Variants in SERGEF observed in about 807,000 individuals in gnomAD.
SERGEF encodes the protein secretion regulating guanine nucleotide exchange factor.
SERGEF carries 51 observed loss-of-function variants against 50.0 expected under a neutral mutation model. The observed-to-expected ratio is 1.02, with a 90% CI of 0.81 to 1.29. The LOEUF (loss-of-function observed/expected upper bound fraction) is 1.29. SERGEF is among the 50% of genes most tolerant of loss of function. The probability of loss-of-function intolerance (pLI) is 0.00; values close to 1 mark genes in which losing one functional copy is unlikely to be tolerated. For synonymous variants in SERGEF, 205 were observed against 212.4 expected (o/e 0.97, Z 0.30); for missense variants, 521 against 557.0 (o/e 0.94, Z 0.65).
intron 8 of SERGEF, among the ~76,000 whole-genome samples, chr11:17,962,828 A>C (rs1166054349): frequency 1.3e-5 from 2 of 152,164 alleles, no homozygotes; most frequent in Admixed American, 1.3e-4. Context: ...TAAGAAAAGA[A>C]AATGGGAGAC....
At chr11:17,860,394 G>C (rs558357545) in intron 10 of SERGEF, among the ~76,000 whole-genome samples, 5 of 151,966 alleles carry the variant, frequency 3.3e-5, no homozygotes, top group Non-Finnish European at 5.9e-5. Context: ...TGGAGGGAAG[G>C]GAAATGAAGG....
At chr11:17,998,432 CATACATACATATAT>C (rs869267100) in intron 5 of SERGEF, among the ~76,000 whole-genome samples, 40 of 55,880 alleles carry the variant, frequency 7.2e-4, no homozygotes, top group African/African-American at 4.4e-3. Context: ...TACATACATA[CATACATACATATAT>C]ATATATATAT....
intron 10 of SERGEF, among the ~76,000 whole-genome samples, chr11:17,865,991 T>C (rs904887683): frequency 2.6e-5 from 4 of 152,194 alleles, no homozygotes; most frequent in African/African-American, 7.2e-5. Flanking sequence ...CGTATACAGA[T>C]GTATCATCTT....
chr11:17,949,965 T>C (rs550168460), intron 9 of SERGEF, among the ~76,000 whole-genome samples: 274 of 152,316 alleles, frequency 1.8e-3, no homozygotes, highest in African/African-American at 6.3e-3. Context: ...AGAACCAGCA[T>C]GCAAAGACCC....
At chr11:17,918,647 CACACAT>C in intron 9 of SERGEF, 1 of 418,028 alleles carries the variant, frequency 2.4e-6, no homozygotes. Context: ...CACACACACA[CACACAT>C]ACACACACAC....
At chr11:17,827,910 T>A (rs933449362) in intron 10 of SERGEF, among the ~76,000 whole-genome samples, 2 of 152,206 alleles carry the variant, frequency 1.3e-5, no homozygotes, top group African/African-American at 2.4e-5. Flanking sequence ...GAAATGTTTG[T>A]GAACATTCTC....
At chr11:17,810,457 T>C (rs941454861) in intron 10 of SERGEF, among the ~76,000 whole-genome samples, 2 of 152,202 alleles carry the variant, frequency 1.3e-5, no homozygotes, top group African/African-American at 4.8e-5. Context: ...CACTGAGCTA[T>C]AGTTAAATTT....
At chr11:17,886,306 G>A (rs1284239166) in intron 9 of SERGEF, among the ~76,000 whole-genome samples, 2 of 152,102 alleles carry the variant, frequency 1.3e-5, no homozygotes, top group East Asian at 3.9e-4. Flanking sequence ...ACTGGCATAG[G>A]TTCACTATGA....
At chr11:17,998,355 C>T (rs1041955422) in intron 5 of SERGEF, among the ~76,000 whole-genome samples, 1 of 149,922 alleles carries the variant, frequency 6.7e-6, no homozygotes, top group Admixed American at 6.7e-5. Flanking sequence ...AGTTTGAGGT[C>T]GCAGTGAACC....
chr11:17,972,296 A>T (rs994743939), intron 8 of SERGEF, among the ~76,000 whole-genome samples: 2 of 152,236 alleles, frequency 1.3e-5, no homozygotes, highest in African/African-American at 4.8e-5. Context: ...CTACAGAGAA[A>T]TCTTGTGAAA....
intron 10 of SERGEF, among the ~76,000 whole-genome samples, chr11:17,875,094 G>A (rs1851216852): frequency 6.6e-6 from 1 of 152,216 alleles, no homozygotes; most frequent in Non-Finnish European, 1.5e-5. Flanking sequence ...TACACAGCTT[G>A]TAAGTGGAGA....
intron 5 of SERGEF, among the ~76,000 whole-genome samples, chr11:17,997,100 G>C (rs1433853931): frequency 6.6e-6 from 1 of 152,176 alleles, no homozygotes; most frequent in South Asian, 2.1e-4. Context: ...AGCTGCCTGA[G>C]GTGGGAAGAT....
Position 17,917,234 on chromosome 11 carries a change from C to G in SERGEF, c.1012-38990G>C, listed in dbSNP as rs138365248. Among the ~76,000 whole-genome samples, 43 of 152,252 alleles carry G rather than the reference C, an allele frequency of 2.8e-4. No individual in the cohort carries two copies. The East Asian group carries it at 7.9e-3, about 28-fold the overall frequency. On this transcript the variant is annotated intron_variant, in intron 9 of 10. Coordinates refer to ENST00000265965, the MANE Select transcript of SERGEF (RefSeq NM_012139.4). The stretch of plus-strand genomic sequence containing the variant: ...ATATATATGATGAAATACTACTCAG[C>G]CATAAAAAGGAATGAATTAATGACA...
At chr11:17,964,538 G>A (rs1853079275) in intron 8 of SERGEF, among the ~76,000 whole-genome samples, 1 of 152,164 alleles carries the variant, frequency 6.6e-6, no homozygotes, top group Non-Finnish European at 1.5e-5. Flanking sequence ...GGAATATAAT[G>A]TCACTGAAGA....
chr11:17,886,002 G>A (rs968341744), intron 9 of SERGEF, among the ~76,000 whole-genome samples: 12 of 152,164 alleles, frequency 7.9e-5, no homozygotes, highest in Non-Finnish European at 4.4e-5. Context: ...GCATGTCAGT[G>A]TGAGGTAATG....
In SERGEF at chr11:17,927,184, T is replaced by C. The variant is rs373092315; in HGVS notation, c.1011+32286A>G. Among the ~76,000 whole-genome samples the C allele has an allele frequency of 9.3e-4, 141 of 152,294 alleles. 1 individual carries two copies. The Middle Eastern group carries it at 0.024, about 26-fold the overall frequency. On this transcript the variant is annotated intron_variant, in intron 9 of 10. Transcript: ENST00000265965. ...CCTTTTGCTCCTGGATTATGAGGGTTAACCCACACTAGAGACTCATTTGGG... is the reference window on the plus strand; with the variant it reads ...CCTTTTGCTCCTGGATTATGAGGGTCAACCCACACTAGAGACTCATTTGGG...
At chr11:17,788,816 G>C (rs1849431482) in intron 10 of SERGEF, among the ~76,000 whole-genome samples, 1 of 152,164 alleles carries the variant, frequency 6.6e-6, no homozygotes, top group African/African-American at 2.4e-5. Context: ...TCTTACCTGG[G>C]CCATGCCAAT....
At position 17,986,715 on chromosome 11, in the gene SERGEF, AG is replaced by A. The variant is rs1263689438; in HGVS notation, c.844+1881del. Reference sequence around the variant, plus strand: ...ACAACCAAATTCACCACCATTTGGTAGTAAGTGTATTTTAATGTACTGCAAT... The same window carrying A: ...ACAACCAAATTCACCACCATTTGGTATAAGTGTATTTTAATGTACTGCAAT... On this transcript the variant is annotated intron_variant, in intron 8 of 10. Coordinates refer to ENST00000265965, the MANE Select transcript of SERGEF (RefSeq NM_012139.4). Among the ~76,000 whole-genome samples, 4 of 152,258 alleles carry A rather than the reference AG, an allele frequency of 2.6e-5. No individual in the cohort carries two copies. In the East Asian group the frequency reaches 7.7e-4, roughly 29 times the overall value.
chr11:18,009,946 G>A (rs1854162604), intron 1 of SERGEF: 2 of 346,406 alleles, frequency 5.8e-6, no homozygotes, highest in Non-Finnish European at 1.1e-5. Context: ...ACTATAAATG[G>A]CCTTATGTCC....
Sources: allele counts gnomAD v4.1 joint callset (sites outside exome capture counted in the v4.1 genomes callset), GRCh38; gene constraint gnomAD v4.1.1; transcripts MANE v1.5; gene names NCBI Gene and HGNC (gene_info 2026-07-23, HGNC 2026-07-21).